SCHIP1: variants seen among roughly 807,000 people sequenced by gnomAD.
SCHIP1 encodes schwannomin interacting protein 1, also known as schwannomin-interacting protein 1.
Under a neutral mutation model 29.7 loss-of-function variants are expected in SCHIP1, and 8 were observed. The ratio of observed to expected loss-of-function variants is 0.27; its 90% CI spans 0.16 to 0.49. The LOEUF is 0.49. SCHIP1 is among the 20% of genes least tolerant of loss of function. The pLI is 0.99. For missense variants in SCHIP1, 193 were observed against 294.6 expected (o/e 0.66, Z 2.52); for synonymous variants, 76 against 94.9 (o/e 0.80, Z 1.16).
At chr3:159,456,461 T>C in the SCHIP1 span, among the ~76,000 whole-genome samples, 1 of 151,974 alleles carries the variant, frequency 6.6e-6, no homozygotes, top group Non-Finnish European at 1.5e-5. Flanking sequence ...GCCCAGAAAA[T>C]TTTCCTCCAT....
the SCHIP1 span, among the ~76,000 whole-genome samples, chr3:159,291,479 A>T: frequency 2.6e-5 from 4 of 152,176 alleles, no homozygotes; most frequent in Non-Finnish European, 5.9e-5. Flanking sequence ...AAGTGAAATG[A>T]TTAGAAAATC....
At chr3:159,694,134 T>G in the SCHIP1 span, among the ~76,000 whole-genome samples, 1 of 152,188 alleles carries the variant, frequency 6.6e-6, no homozygotes, top group African/African-American at 2.4e-5. Context: ...AAGCTTGGAA[T>G]AAACAAAGCC....
the SCHIP1 span, among the ~76,000 whole-genome samples, chr3:159,453,872 C>T: frequency 2.0e-5 from 3 of 152,278 alleles, no homozygotes; most frequent in East Asian, 5.8e-4. Context: ...CCACTGAACG[C>T]TAATACAGCA....
chr3:159,496,719 T>G, the SCHIP1 span, among the ~76,000 whole-genome samples: 6 of 152,154 alleles, frequency 3.9e-5, no homozygotes, highest in Admixed American at 6.5e-5. Flanking sequence ...GATCTAGAAC[T>G]AGAAATACCA....
chr3:159,689,974 T>C, the SCHIP1 span, among the ~76,000 whole-genome samples: 1 of 152,218 alleles, frequency 6.6e-6, no homozygotes, highest in Non-Finnish European at 1.5e-5. Context: ...GATAAGCTTT[T>C]TGATGTGCTG....
At chr3:159,735,098 CAAT>C in the SCHIP1 span, among the ~76,000 whole-genome samples, 1 of 151,934 alleles carries the variant, frequency 6.6e-6, no homozygotes, top group African/African-American at 2.4e-5. Context: ...TCTTAAAGAA[CAAT>C]AATAAGTTAT....
the SCHIP1 span, among the ~76,000 whole-genome samples, chr3:159,437,857 T>C: frequency 6.6e-6 from 1 of 152,114 alleles, no homozygotes; most frequent in South Asian, 2.1e-4. Flanking sequence ...TAGTAAGAAG[T>C]AATATAGCAT....
intron 1 of SCHIP1, among the ~76,000 whole-genome samples, chr3:159,862,724 T>C (rs1041825256): frequency 6.6e-6 from 1 of 152,204 alleles, no homozygotes; most frequent in East Asian, 1.9e-4. Flanking sequence ...GAAAAGAAAG[T>C]ACAGTCACTA....
the SCHIP1 span, among the ~76,000 whole-genome samples, chr3:159,319,606 C>A: frequency 1.4e-4 from 22 of 152,238 alleles, no homozygotes; most frequent in Admixed American, 4.6e-4. Context: ...ATTAAAATGT[C>A]AATGAGAGAA....
chr3:159,606,161 T>C, the SCHIP1 span, among the ~76,000 whole-genome samples: 1 of 152,202 alleles, frequency 6.6e-6, no homozygotes, highest in Non-Finnish European at 1.5e-5. Flanking sequence ...CAGTGGTCCC[T>C]CAACGTTCAG....
the SCHIP1 span, among the ~76,000 whole-genome samples, chr3:159,523,083 A>G: frequency 6.6e-6 from 1 of 152,162 alleles, no homozygotes; most frequent in South Asian, 2.1e-4. Context: ...AACCACCTTC[A>G]CCCCTTCTGT....
the SCHIP1 span, among the ~76,000 whole-genome samples, chr3:159,467,097 CTGTG>C: frequency 6.6e-6 from 1 of 152,078 alleles, no homozygotes; most frequent in Non-Finnish European, 1.5e-5. Flanking sequence ...ACCTCTATCT[CTGTG>C]TGTGTCTCTC....
chr3:159,806,756 G>A, the SCHIP1 span, among the ~76,000 whole-genome samples: 4 of 152,370 alleles, frequency 2.6e-5, no homozygotes, highest in East Asian at 3.9e-4. Context: ...CTCCACTCGC[G>A]TGGTGCCTGT....
chr3:159,606,940 G>C, the SCHIP1 span, among the ~76,000 whole-genome samples: 1 of 152,182 alleles, frequency 6.6e-6, no homozygotes, highest in Non-Finnish European at 1.5e-5. Flanking sequence ...TGGATCTGGT[G>C]ACAGGAGGAA....
the SCHIP1 span, among the ~76,000 whole-genome samples, chr3:159,795,160 T>G: frequency 6.6e-6 from 1 of 152,204 alleles, no homozygotes; most frequent in Non-Finnish European, 1.5e-5. Context: ...GCTCCAATTC[T>G]TCTGCTAAAC....
At chr3:159,674,589 G>C in the SCHIP1 span, among the ~76,000 whole-genome samples, 28 of 136,354 alleles carry the variant, frequency 2.1e-4, no homozygotes, top group Middle Eastern at 3.7e-3. Flanking sequence ...TTACATATAG[G>C]GTCAGGATTA....
chr3:159,689,427 T>C, the SCHIP1 span, among the ~76,000 whole-genome samples: 143 of 152,352 alleles, frequency 9.4e-4, 4 homozygotes, highest in South Asian at 9.5e-3. Flanking sequence ...GGAATGCTTG[T>C]GATTTTTGCA....
At chr3:159,800,968 T>TG in the SCHIP1 span, among the ~76,000 whole-genome samples, 1 of 40,242 alleles carries the variant, frequency 2.5e-5, no homozygotes, top group Non-Finnish European at 4.5e-5. Flanking sequence ...CTAAGTCTGT[T>TG]TTTTTTTTTT....
the SCHIP1 span, among the ~76,000 whole-genome samples, chr3:159,632,684 A>G: frequency 0.048 from 7,352 of 152,256 alleles, 560 homozygotes; most frequent in African/African-American, 0.16. Context: ...AAAGACCTAG[A>G]GCACTGCTAG....
Sources: gnomAD v4.1 joint callset for allele counts (sites outside exome capture counted in the v4.1 genomes callset) on GRCh38, gnomAD v4.1.1 for gene constraint, MANE v1.5 for transcripts, NCBI Gene and HGNC (gene_info 2026-07-23, HGNC 2026-07-21) for gene names.